The following FRK variants were observed in gnomAD, a reference collection of about 807,000 sequenced individuals.
FRK encodes the protein fyn related Src family tyrosine kinase.
FRK carries 51 observed loss-of-function variants against 56.4 expected under a neutral mutation model. That is an observed-to-expected ratio of 0.90 (90% CI 0.72 to 1.14). FRK has a LOEUF of 1.14. Ranked by LOEUF, FRK falls within the 50% of genes most tolerant of loss-of-function variation. The pLI, the probability that FRK is intolerant of heterozygous loss-of-function variation, is 0.00. For synonymous variants in FRK, 245 were observed against 217.9 expected (o/e 1.12, Z -1.10); for missense variants, 570 against 601.4 (o/e 0.95, Z 0.55).
intron 2 of FRK, among the ~76,000 whole-genome samples, chr6:116,002,452 A>G (rs1207829610): frequency 1.3e-5 from 2 of 152,272 alleles, no homozygotes; most frequent in Admixed American, 6.5e-5. Context: ...TCCCGTCCCA[A>G]CTGAAAATAT....
At chr6:115,979,357 T>C (rs544679) in intron 2 of FRK, among the ~76,000 whole-genome samples, 109,830 of 151,924 alleles carry the variant, frequency 0.72, 40,025 homozygotes, top group South Asian at 0.89. Flanking sequence ...AATAGAAGAA[T>C]TTTAAAATAG....
the FRK span, among the ~76,000 whole-genome samples, chr6:116,094,321 G>A: frequency 2.0e-5 from 3 of 152,144 alleles, no homozygotes; most frequent in East Asian, 1.9e-4. Flanking sequence ...ACTGAGCCCC[G>A]GGTACATTTA....
Position 115,943,166 on chromosome 6 carries a change from T to C in FRK, c.1160A>G (p.Tyr387Cys). 1 of 1,610,896 alleles carries C rather than the reference T, an allele frequency of 6.2e-7. No individual in the cohort carries two copies. Among genetic ancestry groups the C allele is most frequent in the South Asian group, 1.1e-5 (1 of 90,626 alleles). The change falls in exon 7 of 8, where the codon TAT becomes TGT. Residue 387 changes from tyrosine (Y) to cysteine (C), a missense_variant. Tyr to Cys is a radical substitution (Grantham distance 194). Transcript: ENST00000606080. ...RVFKVDNEDI[Y>C]ESRHEIKLPV... ...CAGCTTTATTTCGTGTCTAGATTCATAGATGTCTTCATTATCTACCTGTTC... is the reference window on the plus strand; with the variant it reads ...CAGCTTTATTTCGTGTCTAGATTCACAGATGTCTTCATTATCTACCTGTTC...
At chr6:116,095,758 T>C in the FRK span, among the ~76,000 whole-genome samples, 1 of 152,182 alleles carries the variant, frequency 6.6e-6, no homozygotes, top group Non-Finnish European at 1.5e-5. Flanking sequence ...CAATCCCAAA[T>C]AGACTCTTTG....
intron 2 of FRK, among the ~76,000 whole-genome samples, chr6:115,976,010 A>G (rs1216048399): frequency 6.6e-6 from 1 of 152,096 alleles, no homozygotes; most frequent in Non-Finnish European, 1.5e-5. Flanking sequence ...CAACCCTCAC[A>G]TCCAGAGTAA....
intron 5 of FRK, among the ~76,000 whole-genome samples, chr6:115,950,075 A>T (rs1431598632): frequency 2.0e-5 from 3 of 152,216 alleles, no homozygotes; most frequent in Non-Finnish European, 4.4e-5. Context: ...AAACCATAAA[A>T]ACCCTAGAAG....
chr6:115,946,128 T>C (rs1473795130), intron 5 of FRK, among the ~76,000 whole-genome samples: 1 of 152,092 alleles, frequency 6.6e-6, no homozygotes, highest in Non-Finnish European at 1.5e-5. Flanking sequence ...CTCTTATATA[T>C]CCCCGTCTCA....
intron 5 of FRK, among the ~76,000 whole-genome samples, chr6:115,945,745 ATTATT>A (rs1162251869): frequency 6.6e-6 from 1 of 152,116 alleles, no homozygotes; most frequent in Non-Finnish European, 1.5e-5. Flanking sequence ...AGCTTGATAC[ATTATT>A]TTATTTCTCT....
chr6:116,061,119 T>C (rs1562312198), upstream of FRK, among the ~76,000 whole-genome samples: 1 of 152,154 alleles, frequency 6.6e-6, no homozygotes, highest in East Asian at 1.9e-4. Flanking sequence ...GGCAGAGATT[T>C]TTTTCCCTGA....
intron 1 of FRK, among the ~76,000 whole-genome samples, chr6:116,007,357 T>C (rs1582706369): frequency 1.3e-5 from 2 of 152,296 alleles, no homozygotes; most frequent in Middle Eastern, 6.8e-3. Context: ...GCTCTTAGTT[T>C]ACAGATGAGG....
At position 115,944,724 on chromosome 6, in the gene FRK, T is replaced by C. The variant is rs144127754; in HGVS notation, c.959-299A>G. The stretch of plus-strand genomic sequence containing the variant: ...TGCCTTTTTTCTTTTTTAAAAAATT[T>C]ATTTATCTTTTATTTTAAGTTCAGG... On this transcript the variant is annotated intron_variant, in intron 5 of 7. Coordinates refer to ENST00000606080, the MANE Select transcript of FRK (RefSeq NM_002031.3). 3.0e-3 allele frequency among the ~76,000 whole-genome samples: 463 copies of C among 152,240 alleles called. 12 individuals carry two copies. In the South Asian group the frequency reaches 0.036, roughly 12 times the overall value.
chr6:115,947,317 AGT>A (rs10577529), intron 5 of FRK, among the ~76,000 whole-genome samples: 7,119 of 149,792 alleles, frequency 0.048, 190 homozygotes, highest in African/African-American at 0.055. Flanking sequence ...AGACTTAAAC[AGT>A]GTGTGTGTGT....
chr6:116,072,985 G>A, the FRK span, among the ~76,000 whole-genome samples: 1 of 152,126 alleles, frequency 6.6e-6, no homozygotes, highest in Non-Finnish European at 1.5e-5. Context: ...AGTTTGTTAT[G>A]TAATTTTAAA....
At chr6:115,968,185 A>G (rs1390946478) in intron 3 of FRK, among the ~76,000 whole-genome samples, 3 of 152,128 alleles carry the variant, frequency 2.0e-5, no homozygotes, top group African/African-American at 7.2e-5. Context: ...TCATTCATTT[A>G]GTTACTCATT....
intron 1 of FRK, among the ~76,000 whole-genome samples, chr6:116,024,057 T>TACACACACACAC (rs55922355): frequency 2.9e-5 from 4 of 136,592 alleles, no homozygotes; most frequent in African/African-American, 8.3e-5. Context: ...CCTGAGAACT[T>TACACACACACAC]ACACACACAC....
intron 2 of FRK, among the ~76,000 whole-genome samples, chr6:115,978,979 G>A (rs757758395): frequency 3.3e-5 from 5 of 151,632 alleles, no homozygotes; most frequent in Non-Finnish European, 5.9e-5. Context: ...TCTGAGCCCA[G>A]GGAGGTCAAG....
intron 1 of FRK, among the ~76,000 whole-genome samples, chr6:116,012,080 T>A (rs770416493): frequency 3.3e-5 from 5 of 152,302 alleles, no homozygotes; most frequent in Middle Eastern, 6.8e-3. Context: ...TCTTGGATTA[T>A]GGAAATATTT....
At chr6:116,075,544 TTCAG>T in the FRK span, among the ~76,000 whole-genome samples, 18 of 152,144 alleles carry the variant, frequency 1.2e-4, no homozygotes, top group Admixed American at 3.9e-4. Context: ...AGATGATTGT[TTCAG>T]TCAAAGGATC....
In FRK at chr6:115,943,020, C is replaced by T. The variant is rs1332202061; in HGVS notation, c.1306G>A (p.Gly436Ser). The T allele has an allele frequency of 6.2e-7, 1 of 1,609,694 alleles. No individual in the cohort carries two copies. Among genetic ancestry groups the T allele is most frequent in the South Asian group, 1.1e-5 (1 of 90,162 alleles). ...IITYGKMPYSGMTGAQVIQML... is the reference protein window; with the variant it reads ...IITYGKMPYSSMTGAQVIQML... ...GTCCACTTCAGAATTAATTACTCAC[C>T]ACTGTAAGGCATTTTGCCATAAGTA... is the stretch of plus-strand genomic sequence containing the variant. The change falls in exon 7 of 8, where the codon GGT becomes AGT. Residue 436 changes from glycine to serine, a missense_variant and splice_region_variant. Physicochemically the swap from Gly to Ser is moderately conservative, Grantham distance 56. Transcript: ENST00000606080.
Sources: gnomAD v4.1 joint callset for allele counts (sites outside exome capture counted in the v4.1 genomes callset) on GRCh38, gnomAD v4.1.1 for gene constraint, MANE v1.5 for transcripts, NCBI Gene and HGNC (gene_info 2026-07-23, HGNC 2026-07-21) for gene names.